CNTN1: variants seen among roughly 807,000 people sequenced by gnomAD.
CNTN1 encodes the protein contactin 1.
In CNTN1, 38 loss-of-function variants were observed where a neutral mutation model predicts 126.4. The ratio of observed to expected loss-of-function variants is 0.30; its 90% CI spans 0.23 to 0.39. The LOEUF (loss-of-function observed/expected upper bound fraction) is 0.39. Among genes scored for constraint, CNTN1 ranks in the 10% least tolerant of loss-of-function variants. The pLI, the probability that CNTN1 is intolerant of heterozygous loss-of-function variation, is 1.00. For missense variants in CNTN1, 1,009 were observed against 1,248.4 expected, an observed-to-expected ratio of 0.81 and a Z score of 2.89; for synonymous variants, 413 against 422.6, an observed-to-expected ratio of 0.98 and a Z score of 0.28.
chr12:40,702,083 A>G (rs2121114705), intron 1 of CNTN1, among the ~76,000 whole-genome samples: 1 of 141,836 alleles, frequency 7.1e-6, no homozygotes, highest in African/African-American at 2.6e-5. Context: ...ATCATGAAGT[A>G]TGCATTTTTG....
chr12:40,735,261 G>A (rs1335891676), intron 1 of CNTN1, among the ~76,000 whole-genome samples: 1 of 152,012 alleles, frequency 6.6e-6, no homozygotes, highest in Non-Finnish European at 1.5e-5. Context: ...TTTTATGGAA[G>A]TCAATTTAGT....
chr12:40,763,249 A>G (rs1319882652), intron 1 of CNTN1: 1 of 152,264 alleles, frequency 6.6e-6, no homozygotes, highest in African/African-American at 2.4e-5. Context: ...CTGTTTATAA[A>G]TTACCCAGCC....
chr12:40,809,594 G>A (rs1473665514), intron 1 of CNTN1, among the ~76,000 whole-genome samples: 1 of 152,170 alleles, frequency 6.6e-6, no homozygotes, highest in African/African-American at 2.4e-5. Flanking sequence ...GGAGGCCAAG[G>A]CAGGCGGATC....
intron 1 of CNTN1, among the ~76,000 whole-genome samples, chr12:40,904,374 C>CTTTCCTTCT (rs368931833): frequency 1.3e-5 from 1 of 75,990 alleles, no homozygotes; most frequent in Non-Finnish European, 2.7e-5. Flanking sequence ...CCTTTCCTTC[C>CTTTCCTTCT]TTCCTTCTTT....
At chr12:41,014,374 ATAAAT>A in intron 18 of CNTN1, 76 bp downstream of exon 18, 5 of 1,446,996 alleles carry the variant, frequency 3.5e-6, no homozygotes, top group Admixed American at 1.7e-5. Context: ...GTTTCCTGAA[ATAAAT>A]TGAGATGAAA....
chr12:40,809,749 G>A (rs1940982277), intron 1 of CNTN1, among the ~76,000 whole-genome samples: 1 of 151,868 alleles, frequency 6.6e-6, no homozygotes, highest in Admixed American at 6.6e-5. Context: ...CCGGGGGGCA[G>A]AGGTTGCAGT....
intron 12 of CNTN1, among the ~76,000 whole-genome samples, chr12:40,940,562 G>T (rs1388760345): frequency 2.0e-5 from 3 of 152,124 alleles, no homozygotes; most frequent in Non-Finnish European, 2.9e-5. Flanking sequence ...TGTGTCTAAA[G>T]CTTGGTAAAG....
intron 17 of CNTN1, among the ~76,000 whole-genome samples, chr12:41,013,709 G>T (rs143292280): frequency 6.6e-6 from 1 of 152,170 alleles, no homozygotes; most frequent in Non-Finnish European, 1.5e-5. Flanking sequence ...GAGAACGGGG[G>T]AGAGAGTACT....
At chr12:40,862,524 C>T (rs906812881) in intron 1 of CNTN1, among the ~76,000 whole-genome samples, 3 of 152,100 alleles carry the variant, frequency 2.0e-5, no homozygotes, top group South Asian at 2.1e-4. Flanking sequence ...CCAGGTTACT[C>T]GGTGGCTTTA....
At chr12:41,038,855 A>G (rs1949330318) in intron 23 of CNTN1, among the ~76,000 whole-genome samples, 1 of 152,036 alleles carries the variant, frequency 6.6e-6, no homozygotes, top group Non-Finnish European at 1.5e-5. Context: ...TGTTTTCACT[A>G]AGAGTGCAGG....
At chr12:40,890,429 T>C (rs1005879279) in intron 1 of CNTN1, among the ~76,000 whole-genome samples, 1 of 152,160 alleles carries the variant, frequency 6.6e-6, no homozygotes, top group African/African-American at 2.4e-5. Context: ...TTTATAATGA[T>C]AGTATCATAC....
At chr12:40,798,597 G>A (rs536708064) in intron 1 of CNTN1, among the ~76,000 whole-genome samples, 1 of 151,972 alleles carries the variant, frequency 6.6e-6, no homozygotes, top group East Asian at 1.9e-4. Flanking sequence ...CAGGGACAAG[G>A]ATGGAACTGG....
At chr12:40,980,204 A>G (rs944960207) in intron 15 of CNTN1, among the ~76,000 whole-genome samples, 3 of 152,134 alleles carry the variant, frequency 2.0e-5, no homozygotes, top group African/African-American at 7.2e-5. Flanking sequence ...ATGCCTAGGC[A>G]TGAGGATCAC....
In CNTN1 at chr12:40,908,488, T is replaced by C. The variant is rs761240515; in HGVS notation, c.56T>C (p.Leu19Ser). 24 of 1,596,420 alleles carry C rather than the reference T, an allele frequency of 1.5e-5. No individual in the cohort carries two copies. The East Asian group carries it at 5.1e-4, about 34-fold the overall frequency. The change falls in exon 2 of 24, where the codon TTA (leucine) becomes TCA (serine). Residue 19 changes from leucine (L) to serine (S), a missense_variant. Physicochemically the swap from Leu to Ser is moderately radical, Grantham distance 145. Transcript: ENST00000551295. ...GTGATAATATCTATTACTACCTGTT[T>C]AGCAGGTAAGAAATATCCTTTGTAT... ...HLVIISITTC[L>S]AEFTWYRRYG...
chr12:40,993,688 G>A (rs555171996), intron 17 of CNTN1, among the ~76,000 whole-genome samples: 6 of 151,940 alleles, frequency 3.9e-5, no homozygotes, highest in Admixed American at 2.0e-4. Flanking sequence ...TGTCTCTCTC[G>A]AACTCATTTA....
intron 1 of CNTN1, among the ~76,000 whole-genome samples, chr12:40,887,806 C>T (rs566626595): frequency 3.9e-5 from 6 of 152,042 alleles, no homozygotes; most frequent in East Asian, 1.9e-4. Context: ...AAATGTGGCG[C>T]GTATACACCA....
At chr12:40,833,190 GT>G (rs1941920088) in intron 1 of CNTN1, among the ~76,000 whole-genome samples, 1 of 152,128 alleles carries the variant, frequency 6.6e-6, no homozygotes, top group Non-Finnish European at 1.5e-5. Flanking sequence ...CACCTCCCAA[GT>G]TCAAGCGACT....
At position 41,056,010 on chromosome 12, in the gene CNTN1, G is replaced by C. The variant is rs11179636; in HGVS notation, c.2981-13949G>C. 9.9e-3 allele frequency among the ~76,000 whole-genome samples: 1,501 copies of C among 152,128 alleles called. 26 individuals carry two copies. Among genetic ancestry groups the C allele is most frequent in the African/African-American group, 0.034 (1,398 of 41,520 alleles). On this transcript the variant is annotated intron_variant, in intron 23 of 23. Transcript: ENST00000551295. The stretch of plus-strand genomic sequence containing the variant: ...TGATTCCTCCCGGCTTGGATTAAGT[G>C]GTACCCTAAATCCTAAATACCTTCT...
At chr12:41,044,932 C>G (rs917709872) in intron 23 of CNTN1, among the ~76,000 whole-genome samples, 2 of 151,626 alleles carry the variant, frequency 1.3e-5, no homozygotes, top group Admixed American at 1.3e-4. Context: ...TGAGAAACTT[C>G]GTTGTAAAGT....
Sources: gnomAD v4.1 joint callset for allele counts (sites outside exome capture counted in the v4.1 genomes callset) on GRCh38, gnomAD v4.1.1 for gene constraint, MANE v1.5 for transcripts, NCBI Gene and HGNC (gene_info 2026-07-23, HGNC 2026-07-21) for gene names.